The following TAF4 variants were observed in gnomAD, a reference collection of about 807,000 sequenced individuals.
The protein encoded by TAF4 is transcription initiation factor TFIID subunit 4.
Under a neutral mutation model 90.3 loss-of-function variants are expected in TAF4, and 9 were observed. The ratio of observed to expected loss-of-function variants is 0.10; its 90% CI spans 0.06 to 0.17. The LOEUF (loss-of-function observed/expected upper bound fraction) is 0.17, where lower values mean the gene tolerates loss of function less well. Ranked by LOEUF, TAF4 falls within the 10% of genes least tolerant of loss-of-function variation. TAF4 has a pLI of 1.00. For missense variants in TAF4, 1,351 were observed against 1,370.7 expected (o/e 0.99, Z 0.23); for synonymous variants, 818 against 638.9 (o/e 1.28, Z -4.23).
intron 5 of TAF4, chr20:62,007,922 T>G (rs1568930338): frequency 3.3e-6 from 1 of 300,696 alleles, no homozygotes; most frequent in East Asian, 8.9e-5. Flanking sequence ...CAGTCTTTAC[T>G]CAGTGCTTAC....
intron 9 of TAF4, 61 bp from the exon 10 acceptor site, chr20:62,000,782 G>A: frequency 6.3e-7 from 1 of 1,589,418 alleles, no homozygotes. Flanking sequence ...AGGTGGGCTG[G>A]GGTGGTAAGG....
In TAF4 at chr20:62,006,181, A is replaced by C; in HGVS notation, c.2223+329T>G. The stretch of plus-strand genomic sequence containing the variant: ...GTCTTACGCTTGGACCGCTGCTCCT[A>C]ATCCAAGAGAACATCTATCTACAAG... On this transcript the variant is annotated intron_variant, in intron 7 of 14. Transcript: ENST00000252996. The surrounding 1 kb of genome is among the most constrained non-coding windows in gnomAD (Gnocchi z 7.0). 1 of 206,986 alleles carries C rather than the reference A, an allele frequency of 4.8e-6. No homozygotes were observed. Among genetic ancestry groups the C allele is most frequent in the Non-Finnish European group, 9.5e-6 (1 of 104,730 alleles). The allele number at this position is 206,986 out of a possible 1,614,324, so 12.8% of individuals were successfully genotyped here.
Position 62,065,857 on chromosome 20 carries a change from C to A in TAF4, c.-47G>T, listed in dbSNP as rs950205803. On this transcript the variant is annotated 5_prime_UTR_variant, in exon 1 of 15. Transcript: ENST00000252996. ...GCCGCCGCCGCTCGGGCCGAGCGCGCCTGGGCGAGGAGGAGGTTCCGACTG... is the reference window on the plus strand; with the variant it reads ...GCCGCCGCCGCTCGGGCCGAGCGCGACTGGGCGAGGAGGAGGTTCCGACTG... 9.9e-6 allele frequency: 12 copies of A among 1,209,224 alleles called. No individual in the cohort carries two copies. The highest frequency in any genetic ancestry group is 1.3e-5 in the Non-Finnish European group (12 of 950,580). 74.9% of individuals were successfully genotyped at this position (1,209,224 alleles called of 1,614,324 possible). A position where few individuals can be genotyped will look rare whatever the true frequency, so the allele number is the denominator to read the frequency against.
At position 62,054,450 on chromosome 20, in the gene TAF4, C is replaced by G. The variant is rs183055814; in HGVS notation, c.1360+10001G>C. Among the ~76,000 whole-genome samples, 226 of 152,310 alleles carry G rather than the reference C, an allele frequency of 1.5e-3. 1 individual carries two copies. The highest frequency in any genetic ancestry group is 3.4e-3 in the Middle Eastern group (1 of 294). On this transcript the variant is annotated intron_variant, in intron 1 of 14. Coordinates refer to ENST00000252996, the MANE Select transcript of TAF4 (RefSeq NM_003185.4). ...CAAAGCGGCCTCCATCACAGCCATGCTACCTCTGCCATCGCTGCGCTGGAG... is the reference window on the plus strand; with the variant it reads ...CAAAGCGGCCTCCATCACAGCCATGGTACCTCTGCCATCGCTGCGCTGGAG...
intron 14 of TAF4, among the ~76,000 whole-genome samples, chr20:61,992,411 T>C (rs2055637205): frequency 6.6e-6 from 1 of 152,142 alleles, no homozygotes; most frequent in Non-Finnish European, 1.5e-5. Flanking sequence ...CCTATGTCCA[T>C]AACCAGGATC....
chr20:62,036,003 A>T (rs1441606667), intron 1 of TAF4, among the ~76,000 whole-genome samples: 1 of 152,042 alleles, frequency 6.6e-6, no homozygotes, highest in African/African-American at 2.4e-5. Flanking sequence ...TTAAGGAATT[A>T]AAGGAAATTA....
intron 12 of TAF4, 120 bp from the exon 13 acceptor site, chr20:61,998,312 A>C: frequency 1.0e-6 from 1 of 997,330 alleles, no homozygotes. Flanking sequence ...AATGCATAGC[A>C]AATTTGTGAA....
At chr20:62,003,373 C>T (rs1251117137) in intron 8 of TAF4, 99 bp from the exon 9 acceptor site, 3 of 954,164 alleles carry the variant, frequency 3.1e-6, no homozygotes, top group Non-Finnish European at 5.0e-6. Context: ...TACCACTCTC[C>T]TAATTAGCTA....
At chr20:62,016,792 C>T (rs2055814541) in intron 1 of TAF4, among the ~76,000 whole-genome samples, 1 of 152,148 alleles carries the variant, frequency 6.6e-6, no homozygotes, top group Admixed American at 6.5e-5. Context: ...TGTCCTCAAA[C>T]CCAACACTTC....
chr20:62,021,156 C>A (rs2055840723), intron 1 of TAF4, among the ~76,000 whole-genome samples: 2 of 152,158 alleles, frequency 1.3e-5, no homozygotes, highest in Admixed American at 1.3e-4. Flanking sequence ...CAACGCCAGG[C>A]CAAACCACCC....
chr20:62,025,478 T>C (rs2055869429), intron 1 of TAF4, among the ~76,000 whole-genome samples: 1 of 152,052 alleles, frequency 6.6e-6, no homozygotes, highest in Non-Finnish European at 1.5e-5. Context: ...CCAACTGTAA[T>C]CCCCACGTGT....
rs1395020421 is a variant in TAF4, at chr20:62,010,986, T to A, written c.1642-821A>T. Among the ~76,000 whole-genome samples the A allele has an allele frequency of 6.6e-6, 1 of 152,204 alleles. No individual in the cohort carries two copies. The highest frequency in any genetic ancestry group is 1.9e-4 in the East Asian group (1 of 5,196). Reference sequence around the variant, plus strand: ...CTGTCTCCAATTTTTTAAACACTCCTTTGCAACTTCTGAAAGCAGGGGGCA... The same window carrying A: ...CTGTCTCCAATTTTTTAAACACTCCATTGCAACTTCTGAAAGCAGGGGGCA... On this transcript the variant is annotated intron_variant, in intron 3 of 14. Transcript: ENST00000252996. This position sits in a 1 kb window ranked among gnomAD's most constrained non-coding sequence, Gnocchi z 4.5.
At chr20:62,007,725 G>T in intron 5 of TAF4, 89 bp from the exon 6 acceptor site, 1 of 1,272,598 alleles carries the variant, frequency 7.9e-7, no homozygotes, top group Non-Finnish European at 1.1e-6. Flanking sequence ...CGTATTTTAC[G>T]GCTGATTCCG....
intron 1 of TAF4, among the ~76,000 whole-genome samples, chr20:62,021,166 C>A (rs2123161317): frequency 6.6e-6 from 1 of 152,288 alleles, no homozygotes; most frequent in African/African-American, 2.4e-5. Flanking sequence ...CCAAACCACC[C>A]ACCAAGGCTC....
intron 1 of TAF4, among the ~76,000 whole-genome samples, chr20:62,056,423 G>C (rs970891201): frequency 1.3e-5 from 2 of 152,138 alleles, no homozygotes; most frequent in African/African-American, 4.8e-5. Context: ...GGTTTTAAAA[G>C]TGTAATCTGG....
chr20:62,021,309 C>G (rs2055841567), intron 1 of TAF4, among the ~76,000 whole-genome samples: 1 of 152,182 alleles, frequency 6.6e-6, no homozygotes, highest in Non-Finnish European at 1.5e-5. Flanking sequence ...GGGACTGAAC[C>G]CCAAGGAAAC....
intron 9 of TAF4, 97 bp from the exon 10 acceptor site, chr20:62,000,818 G>T (rs2055695567): frequency 7.2e-7 from 1 of 1,386,192 alleles, no homozygotes. Flanking sequence ...TGGAAGGCAG[G>T]GCCGTGAGGA....
At chr20:62,057,628 C>T (rs2056072213) in intron 1 of TAF4, among the ~76,000 whole-genome samples, 1 of 147,346 alleles carries the variant, frequency 6.8e-6, no homozygotes, top group South Asian at 2.1e-4. Context: ...GAAGGACGGA[C>T]ACAGGCCTAC....
At chr20:61,978,153 G>C (rs1972337) in intron 14 of TAF4, among the ~76,000 whole-genome samples, 21 of 11,102 alleles carry the variant, frequency 1.9e-3, no homozygotes, top group Admixed American at 3.8e-3. Flanking sequence ...GAGGGCGCGA[G>C]ACCAACCAAG....
Sources: allele counts gnomAD v4.1 joint callset (sites outside exome capture counted in the v4.1 genomes callset), GRCh38; gene constraint gnomAD v4.1.1; non-coding constraint Gnocchi (gnomAD v3.1); transcripts MANE v1.5; gene names NCBI Gene and HGNC (gene_info 2026-07-23, HGNC 2026-07-21).